PARD3: variants seen among roughly 807,000 people sequenced by gnomAD.
PARD3 encodes the protein partitioning defective 3 homolog.
In PARD3, 75 loss-of-function variants were observed where a neutral mutation model predicts 155.4. The observed-to-expected ratio is 0.48, with a 90% CI of 0.40 to 0.58. The LOEUF is 0.58. Ranked by LOEUF, PARD3 falls within the 20% of genes least tolerant of loss-of-function variation. PARD3 has a pLI of 0.00. For missense variants in PARD3, 1,642 were observed against 1,721.7 expected (o/e 0.95, Z 0.82); for synonymous variants, 576 against 610.5 (o/e 0.94, Z 0.83).
chr10:34,252,115 G>T (rs1172809172), intron 22 of PARD3, among the ~76,000 whole-genome samples: 1 of 152,178 alleles, frequency 6.6e-6, no homozygotes, highest in Non-Finnish European at 1.5e-5. Flanking sequence ...AGGGTGTGCT[G>T]GGGAGGGGGA....
In PARD3 at chr10:34,539,063, A is replaced by G. The variant is rs2083420106; in HGVS notation, c.223-21904T>C. Among the ~76,000 whole-genome samples, 5 of 152,340 alleles carry G rather than the reference A, an allele frequency of 3.3e-5. No homozygotes were observed. The South Asian group carries it at 1.0e-3, about 32-fold the overall frequency. On this transcript the variant is annotated intron_variant, in intron 2 of 24. Coordinates refer to ENST00000374788, the MANE Select transcript of PARD3 (RefSeq NM_001184785.2). ...GTATTTATTTACTTGGTGAATATTCACATTTTGCTACAGAAATACCAAAAT... is the reference window on the plus strand; with the variant it reads ...GTATTTATTTACTTGGTGAATATTCGCATTTTGCTACAGAAATACCAAAAT...
At chr10:34,119,801 G>T in intron 23 of PARD3, 61 bp from the exon 24 acceptor site, 1 of 1,405,218 alleles carries the variant, frequency 7.1e-7, no homozygotes, top group South Asian at 1.6e-5. Flanking sequence ...TCACACAACT[G>T]GTTGACTCCA....
At chr10:34,484,777 A>G (rs2079330015) in intron 3 of PARD3, among the ~76,000 whole-genome samples, 1 of 152,212 alleles carries the variant, frequency 6.6e-6, no homozygotes, top group South Asian at 2.1e-4. Context: ...AGCTTTAGCA[A>G]AGACTTCAAG....
chr10:34,245,733 A>G (rs1953907798), intron 22 of PARD3, among the ~76,000 whole-genome samples: 1 of 152,194 alleles, frequency 6.6e-6, no homozygotes, highest in South Asian at 2.1e-4. Flanking sequence ...GGAGATGGAC[A>G]GGGTGCTGGT....
At chr10:34,493,754 AAAG>A (rs1326162276) in intron 3 of PARD3, among the ~76,000 whole-genome samples, 1 of 152,062 alleles carries the variant, frequency 6.6e-6, no homozygotes, top group Non-Finnish European at 1.5e-5. Flanking sequence ...AAAAAAAAGA[AAAG>A]AAAATTATAG....
intron 2 of PARD3, among the ~76,000 whole-genome samples, chr10:34,658,487 G>A (rs2093240557): frequency 6.6e-6 from 1 of 152,088 alleles, no homozygotes; most frequent in South Asian, 2.1e-4. Context: ...GGCACCAGGG[G>A]CAGACGGTAC....
At chr10:34,754,327 A>G (rs1836439351) in intron 1 of PARD3, among the ~76,000 whole-genome samples, 1 of 152,192 alleles carries the variant, frequency 6.6e-6, no homozygotes, top group South Asian at 2.1e-4. Flanking sequence ...ATACTGCTAG[A>G]TTAATTTATT....
At chr10:34,775,031 A>C (rs184759472) in intron 1 of PARD3, among the ~76,000 whole-genome samples, 2 of 152,352 alleles carry the variant, frequency 1.3e-5, no homozygotes, top group African/African-American at 4.8e-5. Flanking sequence ...AACAAGTGCC[A>C]AACAAATAAA....
chr10:34,355,573 T>C (rs182661632), intron 14 of PARD3, among the ~76,000 whole-genome samples: 86 of 152,248 alleles, frequency 5.6e-4, no homozygotes, highest in African/African-American at 2.0e-3. Flanking sequence ...GTATTCATCC[T>C]AACAAGTGGT....
intron 19 of PARD3, among the ~76,000 whole-genome samples, chr10:34,328,455 C>G (rs1835275150): frequency 6.6e-6 from 1 of 152,192 alleles, no homozygotes; most frequent in Admixed American, 6.5e-5. Flanking sequence ...TAAGCCAGAA[C>G]TTTTACAACT....
At chr10:34,595,177 G>A (rs1382943191) in intron 2 of PARD3, among the ~76,000 whole-genome samples, 1 of 152,212 alleles carries the variant, frequency 6.6e-6, no homozygotes, top group Non-Finnish European at 1.5e-5. Flanking sequence ...TCAGACTACA[G>A]TTTGTGACAT....
At chr10:34,756,477 TA>T (rs34468358) in intron 1 of PARD3, among the ~76,000 whole-genome samples, 16,678 of 83,162 alleles carry the variant, frequency 0.2, 1,472 homozygotes, top group South Asian at 0.32. Context: ...TTTTTTCTTA[TA>T]AAAAAAAAAA....
At chr10:34,415,176 C>CA (rs138045196) in intron 5 of PARD3, among the ~76,000 whole-genome samples, 101 of 150,178 alleles carry the variant, frequency 6.7e-4, no homozygotes, top group African/African-American at 1.9e-3. Flanking sequence ...TCTCCACAAA[C>CA]AAAAAAAAAG....
intron 2 of PARD3, among the ~76,000 whole-genome samples, chr10:34,601,839 A>T (rs1158307866): frequency 6.6e-6 from 1 of 152,218 alleles, no homozygotes; most frequent in Non-Finnish European, 1.5e-5. Context: ...GTGTGCTTAA[A>T]ATTTTCAGCT....
At chr10:34,451,056 C>G (rs189451876) in intron 4 of PARD3, among the ~76,000 whole-genome samples, 2 of 152,092 alleles carry the variant, frequency 1.3e-5, no homozygotes, top group Non-Finnish European at 2.9e-5. Flanking sequence ...ATAACAGATA[C>G]GTAATTGTTC....
chr10:34,785,533 C>G (rs1293634282), intron 1 of PARD3, among the ~76,000 whole-genome samples: 1 of 151,934 alleles, frequency 6.6e-6, no homozygotes, highest in Non-Finnish European at 1.5e-5. Flanking sequence ...ATTGCTTGAG[C>G]CCAAGAGTTA....
intron 2 of PARD3, among the ~76,000 whole-genome samples, chr10:34,682,257 G>T (rs115119289): frequency 1.3e-5 from 2 of 148,786 alleles, no homozygotes; most frequent in South Asian, 4.2e-4. Flanking sequence ...ACATTCAGAC[G>T]CAAGGAACTT....
At chr10:34,487,226 T>C (rs566768317) in intron 3 of PARD3, among the ~76,000 whole-genome samples, 13 of 152,224 alleles carry the variant, frequency 8.5e-5, no homozygotes, top group African/African-American at 2.2e-4. Context: ...CGGGCAGGCA[T>C]TGCCATCTCT....
intron 3 of PARD3, among the ~76,000 whole-genome samples, chr10:34,501,086 C>T (rs1002103405): frequency 3.3e-5 from 5 of 152,210 alleles, no homozygotes; most frequent in Non-Finnish European, 7.4e-5. Flanking sequence ...ACAAATATTG[C>T]CCCATATGGC....
Sources: gnomAD v4.1 joint callset for allele counts (sites outside exome capture counted in the v4.1 genomes callset) on GRCh38, gnomAD v4.1.1 for gene constraint, MANE v1.5 for transcripts, NCBI Gene and HGNC (gene_info 2026-07-23, HGNC 2026-07-21) for gene names.